The following RAB27B variants were observed in gnomAD, a reference collection of about 807,000 sequenced individuals.
RAB27B encodes the protein RAB27B, member RAS oncogene family.
In RAB27B, 15 loss-of-function variants were observed where a neutral mutation model predicts 24.6. That is an observed-to-expected ratio of 0.61 (90% CI 0.41 to 0.94). The LOEUF (loss-of-function observed/expected upper bound fraction) is 0.94. Among genes scored for constraint, RAB27B ranks in the 40% least tolerant of loss-of-function variants. The pLI, the probability that RAB27B is intolerant of heterozygous loss-of-function variation, is 0.00. For synonymous variants in RAB27B, 105 were observed against 92.5 expected (o/e 1.14, Z -0.78); for missense variants, 261 against 266.8 (o/e 0.98, Z 0.15).
intron 1 of RAB27B, among the ~76,000 whole-genome samples, chr18:54,868,019 G>T (rs1912309575): frequency 6.6e-6 from 1 of 152,172 alleles, no homozygotes; most frequent in African/African-American, 2.4e-5. Flanking sequence ...CAATGCTGGA[G>T]GTGAGGTCTG....
intron 1 of RAB27B, among the ~76,000 whole-genome samples, chr18:54,870,786 C>A (rs972677793): frequency 3.3e-5 from 5 of 152,228 alleles, no homozygotes; most frequent in African/African-American, 1.2e-4. Context: ...GTTGAGAGAT[C>A]TTGTTCTACA....
intron 2 of RAB27B, among the ~76,000 whole-genome samples, chr18:54,806,973 C>T (rs566527376): frequency 6.6e-6 from 1 of 152,274 alleles, no homozygotes; most frequent in South Asian, 2.1e-4. Context: ...GTGGCACAAT[C>T]TTGGCTCACT....
At chr18:54,862,013 T>C (rs1912028621) in intron 1 of RAB27B, among the ~76,000 whole-genome samples, 1 of 151,938 alleles carries the variant, frequency 6.6e-6, no homozygotes. Context: ...TTTTTCTTGT[T>C]CCCTAGCTGG....
intron 1 of RAB27B, among the ~76,000 whole-genome samples, chr18:54,845,416 AAAAT>A: frequency 6.6e-6 from 1 of 151,708 alleles, no homozygotes; most frequent in Non-Finnish European, 1.5e-5. Context: ...AAAAAAAAAA[AAAAT>A]AAAATAAAAT....
chr18:54,726,007 C>T (rs1471502890), intron 2 of RAB27B, among the ~76,000 whole-genome samples: 1 of 151,534 alleles, frequency 6.6e-6, no homozygotes, highest in East Asian at 1.9e-4. Context: ...CATGACAGCT[C>T]ATCTATGAGA....
chr18:54,745,222 TAAC>T (rs940908892), intron 2 of RAB27B: 4 of 184,646 alleles, frequency 2.2e-5, no homozygotes, highest in Admixed American at 1.7e-4. Flanking sequence ...CCATCCCATG[TAAC>T]AACAAGAGAG....
At chr18:54,794,821 A>G (rs563324269) in intron 2 of RAB27B, among the ~76,000 whole-genome samples, 122 of 152,300 alleles carry the variant, frequency 8.0e-4, no homozygotes, top group Non-Finnish European at 1.6e-3. Context: ...TGCTTCTTTT[A>G]TTTAGTACAA....
At position 54,872,520 on chromosome 18, in the gene RAB27B, G is replaced by A. The variant is rs1349175230; in HGVS notation, c.-19-5047G>A. On this transcript the variant is annotated intron_variant, in intron 1 of 5. Coordinates refer to ENST00000262094, the MANE Select transcript of RAB27B (RefSeq NM_004163.4). Reference sequence around the variant, plus strand: ...CATGCCTGTAATCCCAGCTACTCAGGAGGCTGAGACAGGAGAATGGCTTTA... The same window carrying A: ...CATGCCTGTAATCCCAGCTACTCAGAAGGCTGAGACAGGAGAATGGCTTTA... Among the ~76,000 whole-genome samples the A allele has an allele frequency of 3.3e-5, 5 of 151,056 alleles. No individual in the cohort carries two copies. The East Asian group carries it at 9.7e-4, about 29-fold the overall frequency.
intron 2 of RAB27B, among the ~76,000 whole-genome samples, chr18:54,757,464 AAAC>A (rs1212162567): frequency 6.6e-6 from 1 of 152,238 alleles, no homozygotes; most frequent in Non-Finnish European, 1.5e-5. Flanking sequence ...TTAATTTGAG[AAAC>A]AACAATTGCA....
chr18:54,841,745 T>C (rs1241145006), intron 1 of RAB27B, among the ~76,000 whole-genome samples: 1 of 152,204 alleles, frequency 6.6e-6, no homozygotes, highest in Non-Finnish European at 1.5e-5. Flanking sequence ...CAAAGATATA[T>C]GATAGCAAAA....
chr18:54,834,773 G>A (rs537192493), intron 1 of RAB27B, among the ~76,000 whole-genome samples: 1 of 149,754 alleles, frequency 6.7e-6, no homozygotes, highest in Admixed American at 6.6e-5. Flanking sequence ...ATTTTAAAAC[G>A]TTTAGGGAAA....
At chr18:54,727,633 TAAAG>T (rs917542392) in intron 2 of RAB27B, among the ~76,000 whole-genome samples, 18 of 152,208 alleles carry the variant, frequency 1.2e-4, no homozygotes, top group Admixed American at 4.6e-4. Context: ...TAATACTAAA[TAAAG>T]ATAGTTGTAT....
At chr18:54,742,001 T>C (rs1008543971) in intron 2 of RAB27B, among the ~76,000 whole-genome samples, 14 of 152,236 alleles carry the variant, frequency 9.2e-5, no homozygotes, top group African/African-American at 2.9e-4. Flanking sequence ...GGGTTTGTTT[T>C]GGCCTGAAGG....
intron 2 of RAB27B, among the ~76,000 whole-genome samples, chr18:54,774,593 T>G (rs1184605778): frequency 1.3e-5 from 2 of 152,246 alleles, no homozygotes; most frequent in African/African-American, 2.4e-5. Context: ...AAGCAACTGA[T>G]GATTGATGCT....
intron 2 of RAB27B, among the ~76,000 whole-genome samples, chr18:54,755,864 C>G (rs192085363): frequency 4.6e-5 from 7 of 152,176 alleles, no homozygotes; most frequent in Non-Finnish European, 1.0e-4. Context: ...TAAACTATTG[C>G]ACAAGGGGAA....
intron 2 of RAB27B, among the ~76,000 whole-genome samples, chr18:54,750,591 TAGTA>T (rs1015436653): frequency 9.8e-5 from 15 of 152,302 alleles, no homozygotes; most frequent in African/African-American, 3.6e-4. Flanking sequence ...CAACAGAAGT[TAGTA>T]AGTACTGTGG....
intron 2 of RAB27B, among the ~76,000 whole-genome samples, chr18:54,781,700 A>G (rs1426790944): frequency 6.6e-6 from 1 of 152,204 alleles, no homozygotes; most frequent in Non-Finnish European, 1.5e-5. Context: ...ATGTTACTAC[A>G]TTTATAGCAT....
At chr18:54,787,295 G>A (rs554686104) in intron 2 of RAB27B, among the ~76,000 whole-genome samples, 4 of 152,178 alleles carry the variant, frequency 2.6e-5, no homozygotes, top group East Asian at 3.8e-4. Flanking sequence ...CTCTGGTCAC[G>A]TGCCCACTGT....
chr18:54,776,557 TCCTCACA>T (rs1453960772), intron 2 of RAB27B, among the ~76,000 whole-genome samples: 11 of 152,194 alleles, frequency 7.2e-5, no homozygotes, highest in African/African-American at 2.7e-4. Flanking sequence ...AACTTCTTTA[TCCTCACA>T]GAGGATAGAT....
Sources: allele counts gnomAD v4.1 joint callset (sites outside exome capture counted in the v4.1 genomes callset), GRCh38; gene constraint gnomAD v4.1.1; transcripts MANE v1.5; gene names NCBI Gene and HGNC (gene_info 2026-07-23, HGNC 2026-07-21).